ATP10D: variants seen among roughly 807,000 people sequenced by gnomAD.
ATP10D encodes the protein phospholipid-transporting ATPase VD.
ATP10D carries 89 observed loss-of-function variants against 144.8 expected under a neutral mutation model. That is an observed-to-expected ratio of 0.61 (90% CI 0.52 to 0.73). The LOEUF (loss-of-function observed/expected upper bound fraction) is 0.73, where lower values mean the gene tolerates loss of function less well. ATP10D is among the 30% of genes least tolerant of loss of function. The probability of loss-of-function intolerance (pLI) is 0.00; values close to 1 mark genes in which losing one functional copy is unlikely to be tolerated. For synonymous variants in ATP10D, 571 were observed against 615.1 expected (o/e 0.93, Z 1.06); for missense variants, 1,603 against 1,714.8 (o/e 0.93, Z 1.15).
intron 2 of ATP10D, among the ~76,000 whole-genome samples, chr4:47,513,096 T>TGTC (rs1716447546): frequency 6.6e-6 from 1 of 152,208 alleles, no homozygotes; most frequent in Non-Finnish European, 1.5e-5. Flanking sequence ...GTTTAGCCAA[T>TGTC]GTCATGCCAA....
chr4:47,583,002 G>A (rs749020401), intron 21 of ATP10D: 5 of 152,258 alleles, frequency 3.3e-5, no homozygotes, highest in Non-Finnish European at 7.3e-5. Flanking sequence ...AACTAACTGT[G>A]TGTCATGGCA....
At chr4:47,569,235 C>T (rs1293698815) in intron 16 of ATP10D, 89 bp downstream of exon 16, 3 of 1,424,606 alleles carry the variant, frequency 2.1e-6, no homozygotes, top group East Asian at 2.3e-5. Context: ...TCCCACTGTT[C>T]CTTCCATTTT....
intron 16 of ATP10D, among the ~76,000 whole-genome samples, chr4:47,569,829 C>G (rs2109461475): frequency 6.6e-6 from 1 of 151,978 alleles, no homozygotes; most frequent in East Asian, 1.9e-4. Flanking sequence ...CATAAAGGGG[C>G]CATGGGAGAC....
rs1721078135 is a variant in ATP10D, at chr4:47,592,106, A to T, written c.*725A>T. The T allele has an allele frequency of 6.6e-6, 1 of 152,512 alleles. No homozygotes were observed. The allele number at this position is 152,512 out of a possible 1,614,324, so 9.4% of individuals were successfully genotyped here. On this transcript the variant is annotated 3_prime_UTR_variant, in exon 23 of 23. Coordinates refer to ENST00000273859, the MANE Select transcript of ATP10D (RefSeq NM_020453.4). ...GGAATGCATTCCTCTGTCAGGTTCC[A>T]ATCAAGAGAAGACCTTTTATGAGAT... is the stretch of plus-strand genomic sequence containing the variant.
Position 47,572,896 on chromosome 4 carries a change from G to A in ATP10D, c.3265G>A (p.Val1089Ile), listed in dbSNP as rs376165524. 321 of 1,614,060 alleles carry A rather than the reference G, an allele frequency of 2.0e-4. No homozygotes were observed. Among genetic ancestry groups the A allele is most frequent in the Non-Finnish European group, 2.5e-4 (295 of 1,180,010 alleles). ...GGCTGTGATGGCCAGTGACTTTGCCGTTTCTCAGTTCAAACATCTCAGCAA... is the reference window on the plus strand; with the variant it reads ...GGCTGTGATGGCCAGTGACTTTGCCATTTCTCAGTTCAAACATCTCAGCAA... ...MQAVMASDFA[V>I]SQFKHLSKLL... Residue 1089 changes from valine (V) to isoleucine (I), a missense_variant, in exon 18 of 23, where the codon GTT becomes ATT. Transcript: ENST00000273859.
chr4:47,538,220 G>T (rs1333294466), intron 9 of ATP10D, among the ~76,000 whole-genome samples: 1 of 151,980 alleles, frequency 6.6e-6, no homozygotes, highest in Non-Finnish European at 1.5e-5. Context: ...AATTTCCTTG[G>T]TAAATTAATT....
At chr4:47,549,408 T>C (rs13105858) in intron 10 of ATP10D, among the ~76,000 whole-genome samples, 36,157 of 152,140 alleles carry the variant, frequency 0.24, 4,297 homozygotes, top group Admixed American at 0.3. Context: ...TTTGGATCTA[T>C]TGTCTCCCCC....
rs374331628 is a variant in ATP10D, at chr4:47,557,682, G to C, written c.1843G>C (p.Gly615Arg). 8.1e-6 allele frequency: 13 copies of C among 1,609,616 alleles called. No homozygotes were observed. The highest frequency in any genetic ancestry group is 5.5e-5 in the South Asian group (5 of 90,952). The change falls in exon 12 of 23, where the codon GGG becomes CGG. Residue 615 changes from glycine to arginine, a missense_variant. Gly to Arg is a moderately radical substitution (Grantham distance 125). Transcript: ENST00000273859. ...TTCATAGATCAGACACCCTTCACTG[G>C]GGGGGTTGCCCATTAAGTCTTTGGA... Reference protein sequence around the residue: ...PRQKIRHPSLGGLPIKSLEEI... With the variant: ...PRQKIRHPSLRGLPIKSLEEI...
rs528203430 is a variant in ATP10D, at chr4:47,560,815, T to C, written c.2542-134T>C. On this transcript the variant is annotated intron_variant, in intron 13 of 22. Coordinates refer to ENST00000273859, the MANE Select transcript of ATP10D (RefSeq NM_020453.4). Reference sequence around the variant, plus strand: ...TGTCCAGGTGGTGTGAGGATATGGATCTGACATGGCTGTGCCCAGAGGGAG... The same window carrying C: ...TGTCCAGGTGGTGTGAGGATATGGACCTGACATGGCTGTGCCCAGAGGGAG... 1.2e-4 allele frequency: 138 copies of C among 1,108,720 alleles called. No individual in the cohort carries two copies. The African/African-American group carries it at 2.1e-3, about 17-fold the overall frequency. The allele number at this position is 1,108,720 out of a possible 1,614,324, so 68.7% of individuals were successfully genotyped here.
At chr4:47,565,988 A>G (rs1719622121) in intron 15 of ATP10D, among the ~76,000 whole-genome samples, 1 of 152,236 alleles carries the variant, frequency 6.6e-6, no homozygotes, top group African/African-American at 2.4e-5. Context: ...CCAGGCACAT[A>G]GTATGGGCTC....
At chr4:47,534,200 CTGAA>C (rs1169293466) in intron 5 of ATP10D, among the ~76,000 whole-genome samples, 2 of 152,106 alleles carry the variant, frequency 1.3e-5, no homozygotes, top group Non-Finnish European at 2.9e-5. Flanking sequence ...CGTTCATTTT[CTGAA>C]TAAACCAGGT....
rs757458517 is a variant in ATP10D at position 47,554,783 on chromosome 4, C to T, written c.1693C>T (p.Arg565Trp). The T allele has an allele frequency of 1.4e-5, 22 of 1,614,054 alleles. No individual in the cohort carries two copies. The highest frequency in any genetic ancestry group is 6.6e-5 in the South Asian group (6 of 91,072). ...LLDKFSQITP[R>W]LFMPLDETIQ... is the part of the protein sequence containing the mutation. ...AGACAAATTTAGTCAGATTACACCTCGGCTCTTTATGCCACTAGATGAGAC... is the reference window on the plus strand; with the variant it reads ...AGACAAATTTAGTCAGATTACACCTTGGCTCTTTATGCCACTAGATGAGAC... Residue 565 changes from arginine to tryptophan, a missense_variant, in exon 11 of 23, where the codon CGG becomes TGG. Arg to Trp is a moderately radical substitution (Grantham distance 101). Coordinates refer to ENST00000273859, the MANE Select transcript of ATP10D (RefSeq NM_020453.4).
intron 16 of ATP10D, among the ~76,000 whole-genome samples, chr4:47,570,149 C>G (rs916252347): frequency 1.3e-5 from 2 of 152,088 alleles, no homozygotes; most frequent in African/African-American, 4.8e-5. Context: ...TGGAATAATT[C>G]AGCAAGAGAT....
intron 10 of ATP10D, among the ~76,000 whole-genome samples, chr4:47,550,514 C>T (rs1364666722): frequency 6.6e-6 from 1 of 152,094 alleles, no homozygotes; most frequent in Non-Finnish European, 1.5e-5. Flanking sequence ...GCTCCCAGAG[C>T]TCCCAAGATG....
chr4:47,587,077 T>C lies in ATP10D; in HGVS notation c.3812T>C (p.Ile1271Thr), dbSNP rs764814212. ...ATCTTGTCTTATTTTTTATTTGCCA[T>C]AGTTTTTGGAGCCATGTGTGTAACT... ...GSILSYFLFA[I>T]VFGAMCVTCN... The change falls in exon 22 of 23, where the codon ATA (isoleucine) becomes ACA (threonine). Residue 1271 changes from isoleucine (I) to threonine (T), a missense_variant. Ile to Thr is a moderately conservative substitution (Grantham distance 89). Coordinates refer to ENST00000273859, the MANE Select transcript of ATP10D (RefSeq NM_020453.4). 5.6e-6 allele frequency: 9 copies of C among 1,613,984 alleles called. No homozygotes were observed. Among genetic ancestry groups the C allele is most frequent in the Non-Finnish European group, 4.2e-6 (5 of 1,179,966 alleles).
intron 21 of ATP10D, chr4:47,583,447 AG>A (rs1720628332): frequency 6.6e-6 from 1 of 152,262 alleles, no homozygotes; most frequent in Non-Finnish European, 1.5e-5. Flanking sequence ...TTTCTAAAGT[AG>A]GGCTGATTAT....
chr4:47,500,501 A>C (rs1283690317), intron 1 of ATP10D, among the ~76,000 whole-genome samples: 1 of 152,230 alleles, frequency 6.6e-6, no homozygotes, highest in African/African-American at 2.4e-5. Flanking sequence ...GATATAGTTT[A>C]AGGGAAGAGT....
intron 3 of ATP10D, among the ~76,000 whole-genome samples, chr4:47,518,970 C>T (rs1163503849): frequency 1.3e-5 from 2 of 152,030 alleles, no homozygotes; most frequent in Non-Finnish European, 2.9e-5. Flanking sequence ...GTGGGGCTGT[C>T]CTGTTTTCAT....
intron 6 of ATP10D, 60 bp from the exon 7 acceptor site, chr4:47,535,842 T>C (rs1717817925): frequency 6.5e-7 from 1 of 1,537,928 alleles, no homozygotes; most frequent in Non-Finnish European, 8.8e-7. Flanking sequence ...TTTTTAAATA[T>C]GGTATTCGCT....
Sources: gnomAD v4.1 joint callset for allele counts (sites outside exome capture counted in the v4.1 genomes callset) on GRCh38, gnomAD v4.1.1 for gene constraint, MANE v1.5 for transcripts, NCBI Gene and HGNC (gene_info 2026-07-23, HGNC 2026-07-21) for gene names.